Variants in XKR9 observed in about 807,000 individuals in gnomAD.
The protein encoded by XKR9 is XK related 9.
A neutral mutation model predicts 32.0 loss-of-function variants in XKR9; 32 were observed. The ratio of observed to expected loss-of-function variants is 1.00; its 90% CI spans 0.76 to 1.34. The LOEUF is 1.34. Ranked by LOEUF, XKR9 falls within the 40% of genes most tolerant of loss-of-function variation. The probability of loss-of-function intolerance (pLI) is 0.00; values close to 1 mark genes in which losing one functional copy is unlikely to be tolerated. For synonymous variants in XKR9, 168 were observed against 143.4 expected (o/e 1.17, Z -1.22); for missense variants, 546 against 429.7 (o/e 1.27, Z -2.39).
intron 2 of XKR9, among the ~76,000 whole-genome samples, chr8:70,775,719 G>A (rs1807509178): frequency 6.6e-6 from 1 of 150,562 alleles, no homozygotes; most frequent in South Asian, 2.1e-4. Flanking sequence ...AAAGATTTTT[G>A]CCTCTGCGTA....
chr8:71,061,370 C>T, the XKR9 span, among the ~76,000 whole-genome samples: 5 of 152,264 alleles, frequency 3.3e-5, no homozygotes, highest in South Asian at 8.3e-4. Flanking sequence ...TACTCCAGAA[C>T]CCATAGGAGG....
chr8:70,736,786 G>A (rs1211138521), downstream of XKR9, among the ~76,000 whole-genome samples: 45 of 151,418 alleles, frequency 3.0e-4, no homozygotes, highest in Admixed American at 2.5e-3. Context: ...GTAGATATGC[G>A]GCGTTATTTC....
intron 3 of XKR9, among the ~76,000 whole-genome samples, chr8:70,693,932 A>G (rs1259677263): frequency 2.0e-5 from 3 of 152,144 alleles, no homozygotes; most frequent in African/African-American, 4.8e-5. Flanking sequence ...GGCTCTGTCT[A>G]TGGAGTTACT....
chr8:70,699,067 C>G (rs980804564), intron 3 of XKR9, among the ~76,000 whole-genome samples: 17 of 152,204 alleles, frequency 1.1e-4, no homozygotes, highest in Middle Eastern at 3.4e-3. Context: ...TTATTTTGAG[C>G]CTATGTGTGT....
At chr8:70,979,509 A>C in the XKR9 span, among the ~76,000 whole-genome samples, 1 of 152,146 alleles carries the variant, frequency 6.6e-6, no homozygotes, top group African/African-American at 2.4e-5. Flanking sequence ...AGCTGCAGGT[A>C]TCTTGGAGTT....
At chr8:70,752,165 A>G (rs1431823151) in intron 2 of XKR9, among the ~76,000 whole-genome samples, 1 of 152,142 alleles carries the variant, frequency 6.6e-6, no homozygotes, top group African/African-American at 2.4e-5. Context: ...CTGTTTATAG[A>G]TTTCCCTATT....
At chr8:70,703,562 C>T (rs1055174987) in intron 3 of XKR9, among the ~76,000 whole-genome samples, 2 of 152,090 alleles carry the variant, frequency 1.3e-5, no homozygotes, top group Non-Finnish European at 2.9e-5. Context: ...AGGCTCTCCA[C>T]CTCAAATATC....
At chr8:70,814,982 A>G in the XKR9 span, among the ~76,000 whole-genome samples, 1 of 152,216 alleles carries the variant, frequency 6.6e-6, no homozygotes, top group Non-Finnish European at 1.5e-5. Flanking sequence ...CAAGAAGGCC[A>G]TACTATTTAC....
intron 2 of XKR9, among the ~76,000 whole-genome samples, chr8:70,770,954 G>T (rs1190118243): frequency 6.6e-6 from 1 of 152,144 alleles, no homozygotes; most frequent in African/African-American, 2.4e-5. Context: ...GGCACCACTG[G>T]GGTACAGAAA....
the XKR9 span, among the ~76,000 whole-genome samples, chr8:70,956,506 C>T: frequency 6.6e-6 from 1 of 152,200 alleles, no homozygotes; most frequent in Non-Finnish European, 1.5e-5. Flanking sequence ...CAGCCCCGCT[C>T]CCATACCTGG....
the XKR9 span, among the ~76,000 whole-genome samples, chr8:70,796,091 G>A: frequency 6.6e-6 from 1 of 151,576 alleles, no homozygotes; most frequent in South Asian, 2.1e-4. Flanking sequence ...ATGTTCAGGA[G>A]TACATGTGCA....
At chr8:70,701,958 T>G (rs1805552398) in intron 3 of XKR9, among the ~76,000 whole-genome samples, 1 of 152,176 alleles carries the variant, frequency 6.6e-6, no homozygotes, top group African/African-American at 2.4e-5. Context: ...TTTTAATTAT[T>G]TAAAATGTGG....
chr8:70,785,655 T>G (rs1807674762), intron 2 of XKR9, among the ~76,000 whole-genome samples: 1 of 150,176 alleles, frequency 6.7e-6, no homozygotes, highest in Non-Finnish European at 1.5e-5. Flanking sequence ...AGTATAAATT[T>G]TCCTCTTAGA....
At chr8:70,685,137 C>T (rs1177510063) in intron 3 of XKR9, among the ~76,000 whole-genome samples, 1 of 151,950 alleles carries the variant, frequency 6.6e-6, no homozygotes, top group Admixed American at 6.6e-5. Flanking sequence ...AAATGTGGCA[C>T]ATATACACCA....
chr8:70,785,285 T>C (rs1032200198), intron 2 of XKR9, among the ~76,000 whole-genome samples: 1 of 152,022 alleles, frequency 6.6e-6, no homozygotes, highest in Non-Finnish European at 1.5e-5. Flanking sequence ...TTTATCCAAT[T>C]TATTCATGTA....
At chr8:70,940,126 T>G in the XKR9 span, among the ~76,000 whole-genome samples, 1 of 152,044 alleles carries the variant, frequency 6.6e-6, no homozygotes, top group African/African-American at 2.4e-5. Context: ...TAATGGGGAC[T>G]GGACAACAGT....
the XKR9 span, among the ~76,000 whole-genome samples, chr8:70,940,955 C>A: frequency 6.6e-6 from 1 of 152,060 alleles, no homozygotes; most frequent in East Asian, 1.9e-4. Context: ...AGGTGCCATA[C>A]AAACTTTTTT....
the XKR9 span, among the ~76,000 whole-genome samples, chr8:71,028,908 A>AAGAGAGAGAGAG: frequency 0.032 from 4,794 of 150,932 alleles, 200 homozygotes; most frequent in African/African-American, 0.094. Context: ...GACACACAGA[A>AAGAGAGAGAGAG]AGAGAGAGAG....
At chr8:70,975,888 T>C in the XKR9 span, among the ~76,000 whole-genome samples, 2 of 152,356 alleles carry the variant, frequency 1.3e-5, no homozygotes, top group East Asian at 3.9e-4. Flanking sequence ...GGAATGTTCT[T>C]CCATTTGTTT....
Sources: allele counts gnomAD v4.1 joint callset (sites outside exome capture counted in the v4.1 genomes callset), GRCh38; gene constraint gnomAD v4.1.1; transcripts MANE v1.5; gene names NCBI Gene and HGNC (gene_info 2026-07-23, HGNC 2026-07-21).